SPTBN2: variants seen among roughly 807,000 people sequenced by gnomAD.
SPTBN2 encodes the protein spectrin beta chain, non-erythrocytic 2.
In SPTBN2, 107 loss-of-function variants were observed where a neutral mutation model predicts 284.2. The ratio of observed to expected loss-of-function variants is 0.38; its 90% CI spans 0.32 to 0.44. SPTBN2 has a LOEUF of 0.44. Among genes scored for constraint, SPTBN2 ranks in the 20% least tolerant of loss-of-function variants. The probability of loss-of-function intolerance (pLI) is 1.00; values close to 1 mark genes in which losing one functional copy is unlikely to be tolerated. For synonymous variants in SPTBN2, 1,289 were observed against 1,354.8 expected, an observed-to-expected ratio of 0.95 and a Z score of 1.07; for missense variants, 2,569 against 3,287.1, an observed-to-expected ratio of 0.78 and a Z score of 5.34.
chr11:66,721,454 T>C lies in SPTBN2; in HGVS notation c.-113-14A>G, dbSNP rs1185637091. 11 of 639,820 alleles carry C rather than the reference T, an allele frequency of 1.7e-5. No individual in the cohort carries two copies. In the Admixed American group the frequency reaches 2.1e-4, roughly 12 times the overall value. The allele number at this position is 639,820 out of a possible 1,614,324, so 39.6% of individuals were successfully genotyped here. On this transcript the variant is annotated splice_polypyrimidine_tract_variant and intron_variant, in intron 1 of 37. Coordinates refer to ENST00000533211, the MANE Select transcript of SPTBN2 (RefSeq NM_006946.4). Reference sequence around the variant, plus strand: ...CACCTGGGAAGCCTGGGGACGGGAATACATCAGAAGCACAGAAAGTGAAGC... The same window carrying C: ...CACCTGGGAAGCCTGGGGACGGGAACACATCAGAAGCACAGAAAGTGAAGC...
intron 1 of SPTBN2, among the ~76,000 whole-genome samples, chr11:66,736,767 GAGA>G (rs1398321455): frequency 3.9e-5 from 6 of 152,218 alleles, no homozygotes; most frequent in African/African-American, 7.2e-5. Flanking sequence ...AGGGCACTCA[GAGA>G]AGAATAGGTT....
chr11:66,709,571 G>C (rs2135482210), intron 10 of SPTBN2, among the ~76,000 whole-genome samples: 1 of 152,204 alleles, frequency 6.6e-6, no homozygotes, highest in South Asian at 2.1e-4. Context: ...ATTTTCAGTG[G>C]CTGCCCATGA....
At chr11:66,698,597 TG>T (rs778725757) in intron 20 of SPTBN2, 41 bp downstream of exon 20, 3 of 1,613,486 alleles carry the variant, frequency 1.9e-6, no homozygotes, top group South Asian at 2.2e-5. Context: ...CCCCGTACCA[TG>T]GGGGACTCTG....
chr11:66,698,806 G>A (rs1315047027), intron 19 of SPTBN2, 21 bp from the exon 20 acceptor site: 4 of 1,612,520 alleles, frequency 2.5e-6, no homozygotes, highest in African/African-American at 2.7e-5. Context: ...CATAAAACAG[G>A]GACATTTCCA....
intron 20 of SPTBN2, 96 bp from the exon 21 acceptor site, chr11:66,696,636 A>C: frequency 4.0e-6 from 6 of 1,503,146 alleles, no homozygotes; most frequent in Non-Finnish European, 5.5e-6. Context: ...TAGAGACCTG[A>C]AGTGTGGGCA....
intron 8 of SPTBN2, among the ~76,000 whole-genome samples, chr11:66,712,523 G>A (rs1374831855): frequency 6.6e-6 from 1 of 151,294 alleles, no homozygotes; most frequent in African/African-American, 2.4e-5. Flanking sequence ...CTCCAGTCTG[G>A]GCAACAGAGT....
intron 10 of SPTBN2, 21 bp from the exon 11 acceptor site, chr11:66,709,040 G>A (rs1474669686): frequency 1.2e-6 from 2 of 1,607,760 alleles, no homozygotes; most frequent in Non-Finnish European, 1.7e-6. Context: ...AGGCCGGGTT[G>A]GGGTCAGAAT....
At chr11:66,722,156 G>C (rs1452019681) in intron 1 of SPTBN2, among the ~76,000 whole-genome samples, 1 of 152,202 alleles carries the variant, frequency 6.6e-6, no homozygotes, top group Non-Finnish European at 1.5e-5. Flanking sequence ...GAGAATGTTA[G>C]TAAGTACTCA....
At position 66,708,859 on chromosome 11, in the gene SPTBN2, AG is replaced by A. The variant is rs1941706979; in HGVS notation, c.1191+42del. The A allele has an allele frequency of 6.4e-7, 1 of 1,552,512 alleles. No homozygotes were observed. The highest frequency in any genetic ancestry group is 8.9e-7 in the Non-Finnish European group (1 of 1,124,904). On this transcript the variant is annotated intron_variant, in intron 11 of 37. Transcript: ENST00000533211. This position sits in a 1 kb window ranked among gnomAD's most constrained non-coding sequence, Gnocchi z 4.4. ...GGGATGTGTGCAAGGCATCTGGGCCAGGGCCTGCCCTGAGGGTGGGTGGCCT... is the reference window on the plus strand; with the variant it reads ...GGGATGTGTGCAAGGCATCTGGGCCAGGCCTGCCCTGAGGGTGGGTGGCCT...
chr11:66,695,917 A>T (rs1013353685), intron 21 of SPTBN2, among the ~76,000 whole-genome samples: 4 of 151,928 alleles, frequency 2.6e-5, no homozygotes, highest in Non-Finnish European at 5.9e-5. Context: ...TTGTATTTTT[A>T]GTAGAGACGG....
Position 66,696,464 on chromosome 11 carries a change from C to A in SPTBN2, c.4091G>T (p.Arg1364Leu). The A allele has an allele frequency of 6.2e-7, 1 of 1,612,558 alleles. No homozygotes were observed. Among genetic ancestry groups the A allele is most frequent in the Non-Finnish European group, 8.5e-7 (1 of 1,180,026 alleles). ...GGTGGTGGTCTCCAGCTCGTCCCAG[C>A]GCCTGTGCAGGTCTCTCAGCTTCTC... ...VSEKLRDLHRRWDELETTTQA... is the reference protein window; with the variant it reads ...VSEKLRDLHRLWDELETTTQA... The change falls in exon 21 of 38, where the codon CGC (arginine) becomes CTC (leucine). Residue 1364 changes from arginine (R) to leucine (L), a missense_variant. By Grantham distance (102) the Arg-to-Leu change is moderately radical. Transcript: ENST00000533211.
chr11:66,715,403 G>C lies in SPTBN2; in HGVS notation c.310-8C>G. The C allele has an allele frequency of 6.2e-7, 1 of 1,608,070 alleles. No homozygotes were observed. On this transcript the variant is annotated splice_region_variant and splice_polypyrimidine_tract_variant and intron_variant, in intron 4 of 37. Transcript: ENST00000533211. This position sits in a 1 kb window ranked among gnomAD's most constrained non-coding sequence, Gnocchi z 5.3. ...GCCCTTTGTAGGCTTTGGCTGTGGA[G>C]GGACGGGGGCAAAATGGCACGGGAC...
upstream of SPTBN2, among the ~76,000 whole-genome samples, chr11:66,733,851 G>A (rs956170719): frequency 9.2e-5 from 14 of 151,964 alleles, no homozygotes; most frequent in Non-Finnish European, 1.6e-4. Context: ...GGTGGCAGGC[G>A]CCTGTAGTCC....
intron 3 of SPTBN2, 110 bp from the exon 4 acceptor site, chr11:66,716,091 G>A: frequency 6.9e-7 from 1 of 1,446,476 alleles, no homozygotes; most frequent in Non-Finnish European, 9.6e-7. Flanking sequence ...GGGAAGCGGG[G>A]TCCTCTAAGG....
chr11:66,721,027 A>T, intron 3 of SPTBN2, 57 bp downstream of exon 3: 1 of 1,611,802 alleles, frequency 6.2e-7, no homozygotes, highest in Non-Finnish European at 8.5e-7. Flanking sequence ...GCTCTTCATG[A>T]CGAGCTGACA....
At chr11:66,723,968 C>T (rs531702876) in intron 1 of SPTBN2, among the ~76,000 whole-genome samples, 4 of 152,278 alleles carry the variant, frequency 2.6e-5, no homozygotes, top group Admixed American at 1.3e-4. Context: ...ACATCTCCAG[C>T]ACTCAAACTC....
chr11:66,685,496 C>T lies in SPTBN2; in HGVS notation c.*375G>A, dbSNP rs904642441. On this transcript the variant is annotated 3_prime_UTR_variant, in exon 38 of 38. Transcript: ENST00000533211. This position sits in a 1 kb window ranked among gnomAD's most constrained non-coding sequence, Gnocchi z 4.4. ...GGGTGAGGAACCAGAAGGCAGAAGG[C>T]GAGTGCCCTCGCATGGCAGGAGAAT... The T allele has an allele frequency of 3.3e-6, 1 of 303,108 alleles. No homozygotes were observed. Among genetic ancestry groups the T allele is most frequent in the South Asian group, 3.0e-5 (1 of 32,788 alleles). The allele number at this position is 303,108 out of a possible 1,614,324, so 18.8% of individuals were successfully genotyped here.
intron 15 of SPTBN2, among the ~76,000 whole-genome samples, chr11:66,704,208 G>A (rs1325354075): frequency 1.3e-5 from 2 of 151,984 alleles, no homozygotes; most frequent in African/African-American, 4.8e-5. Context: ...TCCTGACCTC[G>A]TGATCCGCCT....
chr11:66,725,041 G>C lies in SPTBN2; in HGVS notation c.-113-3601C>G, dbSNP rs1018757199. On this transcript the variant is annotated intron_variant, in intron 1 of 37. Transcript: ENST00000533211. ...CCTACCATTACCAGGAGAAAGTATG[G>C]AGCTAGAACCTCCTCTTCCCCCAAA... Among the ~76,000 whole-genome samples, 8 of 152,176 alleles carry C rather than the reference G, an allele frequency of 5.3e-5. No homozygotes were observed. In the South Asian group the frequency reaches 1.7e-3, roughly 31 times the overall value.
Sources: allele counts gnomAD v4.1 joint callset (sites outside exome capture counted in the v4.1 genomes callset), GRCh38; gene constraint gnomAD v4.1.1; non-coding constraint Gnocchi (gnomAD v3.1); transcripts MANE v1.5; gene names NCBI Gene and HGNC (gene_info 2026-07-23, HGNC 2026-07-21).